The following GNL3L variants were observed in gnomAD, a reference collection of about 807,000 sequenced individuals.
The protein encoded by GNL3L is G protein nucleolar 3 like, also known as guanine nucleotide-binding protein-like 3-like protein.
A neutral mutation model predicts 42.9 loss-of-function variants in GNL3L; 4 were observed. That is an observed-to-expected ratio of 0.09 (90% confidence interval 0.05 to 0.21). GNL3L has a LOEUF of 0.21. Ranked by LOEUF, GNL3L falls within the 10% of genes least tolerant of loss-of-function variation. The pLI, the probability that GNL3L is intolerant of heterozygous loss-of-function variation, is 1.00. For missense variants in GNL3L, 412 were observed against 481.7 expected, an observed-to-expected ratio of 0.86 and a Z score of 1.36; for synonymous variants, 159 against 176.3, an observed-to-expected ratio of 0.90 and a Z score of 0.78.
chrX:54,594,575 A>G (rs754345714), intron 16 of GNL3L, among the ~76,000 whole-genome samples: 2 of 104,816 alleles, frequency 1.9e-5, no homozygotes, highest in East Asian at 6.0e-4. Flanking sequence ...CTATTCAGCC[A>G]CTCTGTCTTT....
intron 8 of GNL3L, among the ~76,000 whole-genome samples, chrX:54,546,699 T>C (rs1924782932): frequency 8.9e-6 from 1 of 111,916 alleles, no homozygotes; most frequent in Middle Eastern, 4.2e-3. Flanking sequence ...CAGGCCGGAG[T>C]GGGATGGCAC....
At chrX:54,604,464 G>C (rs1926036187) in intron 16 of GNL3L, among the ~76,000 whole-genome samples, 1 of 111,079 alleles carries the variant, frequency 9.0e-6, no homozygotes, top group African/African-American at 3.3e-5. Context: ...TCTTTGAGAG[G>C]TAATGTTTGA....
Position 54,554,667 on chromosome X carries a change from T to C in GNL3L, c.1421T>C (p.Ile474Thr), listed in dbSNP as rs753304612. The C allele has an allele frequency of 8.3e-7, 1 of 1,207,645 alleles. No individual in the cohort carries two copies. The highest frequency in any genetic ancestry group is 3.0e-5 in the East Asian group (1 of 33,798). ...HSPMTKIADA[I>T]ENKTTVYKIG... ...CCGATGACGAAAATAGCAGATGCCA[T>C]TGAAAATAAAACCACCGTGTATAAG... Residue 474 changes from isoleucine to threonine, a missense_variant, in exon 14 of 16, where the codon ATT (isoleucine) becomes ACT (threonine). Transcript: ENST00000360845.
intron 16 of GNL3L, among the ~76,000 whole-genome samples, chrX:54,583,332 A>T (rs1469271762): frequency 1.8e-5 from 2 of 110,429 alleles, no homozygotes; most frequent in African/African-American, 6.6e-5. Context: ...AGCTGGGATT[A>T]CAGGCGTGCA....
intron 2 of GNL3L, among the ~76,000 whole-genome samples, chrX:54,535,885 C>T (rs1401664706): frequency 9.0e-6 from 1 of 111,044 alleles, no homozygotes; most frequent in Non-Finnish European, 1.9e-5. Flanking sequence ...GCCTCAGCCT[C>T]CTGAGTAGCT....
the GNL3L span, among the ~76,000 whole-genome samples, chrX:54,632,946 C>T: frequency 3.6e-5 from 4 of 111,443 alleles, no homozygotes; most frequent in African/African-American, 1.3e-4. Flanking sequence ...ATTCTTTAGT[C>T]CCATGGGGTG....
At chrX:54,546,687 C>T (rs1924782490) in intron 8 of GNL3L, among the ~76,000 whole-genome samples, 1 of 111,761 alleles carries the variant, frequency 8.9e-6, no homozygotes, top group Non-Finnish European at 1.9e-5. Flanking sequence ...ACTCTTGTTG[C>T]CCAGGCCGGA....
intron 16 of GNL3L, among the ~76,000 whole-genome samples, chrX:54,573,030 C>T (rs1293496894): frequency 3.7e-5 from 4 of 109,031 alleles, no homozygotes; most frequent in African/African-American, 1.3e-4. Context: ...GATGGGATGG[C>T]GGCCGGGCAG....
At chrX:54,568,845 G>C (rs1397695863), downstream of GNL3L, among the ~76,000 whole-genome samples, 1 of 112,119 alleles carries the variant, frequency 8.9e-6, no homozygotes, top group Non-Finnish European at 1.9e-5. Flanking sequence ...GAGCCACGAC[G>C]CCTGGCCAAC....
intron 14 of GNL3L, among the ~76,000 whole-genome samples, chrX:54,557,304 C>T (rs941103444): frequency 2.7e-5 from 3 of 110,936 alleles, no homozygotes; most frequent in Admixed American, 9.5e-5. Flanking sequence ...TGCTCTGGCA[C>T]CCAGGCTGGA....
At chrX:54,602,931 T>C (rs760696275) in intron 16 of GNL3L, among the ~76,000 whole-genome samples, 185 of 112,171 alleles carry the variant, frequency 1.6e-3, no homozygotes, top group Non-Finnish European at 2.3e-3. Context: ...TCAGTGTTGT[T>C]AAATCCTAAG....
At chrX:54,578,128 CTATT>C (rs1925660961) in intron 16 of GNL3L, among the ~76,000 whole-genome samples, 1 of 111,818 alleles carries the variant, frequency 8.9e-6, no homozygotes. Flanking sequence ...AGTCAATTAT[CTATT>C]AGAACAAATA....
Position 54,532,600 on chromosome X carries a change from C to T in GNL3L, c.19+15C>T, listed in dbSNP as rs1569541877. 8.8e-7 allele frequency: 1 copy of T among 1,131,035 alleles called. No individual in the cohort carries two copies. Among genetic ancestry groups the T allele is most frequent in the Non-Finnish European group, 1.2e-6 (1 of 821,827 alleles). 93.2% of individuals were successfully genotyped at this position (1,131,035 alleles called of 1,213,427 possible). A position where few individuals can be genotyped will look rare whatever the true frequency, so the allele number is the denominator to read the frequency against. ...ACTTAGACACAGTGAGTTTCCTTTA[C>T]CACCCCTCCCAATCCTGTGCTTTTA... On this transcript the variant is annotated intron_variant, in intron 2 of 15. Coordinates refer to ENST00000360845, the MANE Select transcript of GNL3L (RefSeq NM_001184819.2).
intron 16 of GNL3L, among the ~76,000 whole-genome samples, chrX:54,613,344 A>T (rs752876302): frequency 9.0e-6 from 1 of 111,276 alleles, no homozygotes; most frequent in South Asian, 3.8e-4. Flanking sequence ...TTCTTGTATC[A>T]TGTTTTTGGA....
At position 54,574,646 on chromosome X, in the gene GNL3L, T is replaced by G. The variant is rs12393472; in HGVS notation, c.*45+13999T>G. Among the ~76,000 whole-genome samples the G allele has an allele frequency of 4.6e-3, 518 of 112,295 alleles. 2 individuals carry two copies. The highest frequency in any genetic ancestry group is 0.015 in the African/African-American group (472 of 31,010). ...TCAGAATAATGCTAGCCTTATAGAA[T>G]AAGTTGGGAAGTGTTACTTTTATTT... On this transcript the variant is annotated intron_variant, in intron 16 of 16. Coordinates refer to the GNL3L transcript ENST00000674498.
At chrX:54,583,636 G>T (rs1472348821) in intron 16 of GNL3L, among the ~76,000 whole-genome samples, 2 of 108,293 alleles carry the variant, frequency 1.8e-5, no homozygotes, top group African/African-American at 7.1e-5. Flanking sequence ...ATTTTGGATT[G>T]ATGTTTATAT....
chrX:54,581,233 A>T (rs1161680139), intron 16 of GNL3L, among the ~76,000 whole-genome samples: 2 of 111,867 alleles, frequency 1.8e-5, no homozygotes. Flanking sequence ...AATACAAAAC[A>T]TTTTAATTTT....
intron 8 of GNL3L, among the ~76,000 whole-genome samples, chrX:54,545,996 A>C (rs758942358): frequency 8.9e-6 from 1 of 112,149 alleles, no homozygotes; most frequent in African/African-American, 3.2e-5. Context: ...CTATAAGTGC[A>C]TGCCACCATG....
chrX:54,633,611 A>G, the GNL3L span, among the ~76,000 whole-genome samples: 1 of 110,513 alleles, frequency 9.0e-6, no homozygotes, highest in Non-Finnish European at 1.9e-5. Flanking sequence ...GGTGGTTCTC[A>G]GGCCAATGGA....
Sources: allele counts gnomAD v4.1 joint callset (sites outside exome capture counted in the v4.1 genomes callset), GRCh38; gene constraint gnomAD v4.1.1; transcripts MANE v1.5; gene names NCBI Gene and HGNC (gene_info 2026-07-23, HGNC 2026-07-21).